OSBP2: variants seen among roughly 807,000 people sequenced by gnomAD.
OSBP2 encodes the protein oxysterol binding protein 2, also known as oxysterol-binding protein 2.
A neutral mutation model predicts 96.0 loss-of-function variants in OSBP2; 66 were observed. That is an observed-to-expected ratio of 0.69 (90% CI 0.56 to 0.84). The LOEUF is 0.84. OSBP2 is among the 40% of genes least tolerant of loss of function. The pLI is 0.00. For synonymous variants in OSBP2, 525 were observed against 520.9 expected (o/e 1.01, Z -0.11); for missense variants, 1,038 against 1,222.7 (o/e 0.85, Z 2.25).
In OSBP2 at chr22:30,695,630, G is replaced by A. The variant is rs1382339436; in HGVS notation, c.644+77G>A. On this transcript the variant is annotated intron_variant, in intron 1 of 13. Transcript: ENST00000332585. ...GGGATGGTGATGGAGGGCCTCCATG[G>A]TTGGCGGACACTGCCACTAGTCTAG... 27 of 1,534,876 alleles carry A rather than the reference G, an allele frequency of 1.8e-5. No individual in the cohort carries two copies. In the Admixed American group the frequency reaches 5.0e-4, roughly 29 times the overall value.
intron 2 of OSBP2, among the ~76,000 whole-genome samples, chr22:30,832,676 T>A (rs1322139473): frequency 6.6e-6 from 1 of 152,234 alleles, no homozygotes; most frequent in Non-Finnish European, 1.5e-5. Context: ...GCTCTTTCTG[T>A]GATCACGGTC....
chr22:30,727,034 G>A (rs2089663090), intron 1 of OSBP2, among the ~76,000 whole-genome samples: 1 of 152,216 alleles, frequency 6.6e-6, no homozygotes, highest in Admixed American at 6.5e-5. Context: ...CATGGAAGGG[G>A]CTGGGAGTAG....
intron 2 of OSBP2, among the ~76,000 whole-genome samples, chr22:30,770,998 G>T (rs2090339915): frequency 6.6e-6 from 1 of 152,212 alleles, no homozygotes; most frequent in Non-Finnish European, 1.5e-5. Context: ...CGATTCTCCT[G>T]CCTCAGCTTC....
At chr22:30,799,255 G>A (rs28490892) in intron 2 of OSBP2, among the ~76,000 whole-genome samples, 30,477 of 151,654 alleles carry the variant, frequency 0.2, 3,784 homozygotes, top group African/African-American at 0.36. Context: ...GACTACAGGC[G>A]CCCACCACCA....
intron 1 of OSBP2, among the ~76,000 whole-genome samples, chr22:30,711,739 CAAAAAA>C (rs34152986): frequency 1.1e-5 from 1 of 91,846 alleles, no homozygotes; most frequent in African/African-American, 4.9e-5. Context: ...GACCCTATCT[CAAAAAA>C]AAAAAAAAAA....
chr22:30,893,703 C>T lies in OSBP2; in HGVS notation c.2160C>T (p.Tyr720=), dbSNP rs1445626901. The T allele has an allele frequency of 1.2e-6, 2 of 1,614,188 alleles. No individual in the cohort carries two copies. The highest frequency in any genetic ancestry group is 1.3e-5 in the African/African-American group (1 of 75,066). Residue 720 remains tyrosine, a synonymous_variant, in exon 11 of 14, where the codon TAC becomes TAT. Coordinates refer to ENST00000332585, the MANE Select transcript of OSBP2 (RefSeq NM_030758.4). ...GGTGCCAGCTGAAGTTCCTGCCCTACAGCTACTTCTCCAAAGAGGCAGCCC... is the reference window on the plus strand; with the variant it reads ...GGTGCCAGCTGAAGTTCCTGCCCTATAGCTACTTCTCCAAAGAGGCAGCCC... ...NDRCQLKFLP[Y]SYFSKEAARK... is the part of the protein sequence containing the mutation.
At chr22:30,761,058 T>TA (rs2090199346) in intron 2 of OSBP2, among the ~76,000 whole-genome samples, 1 of 152,064 alleles carries the variant, frequency 6.6e-6, no homozygotes, top group Non-Finnish European at 1.5e-5. Context: ...CTAGGATCAG[T>TA]AAAGTCAAGG....
rs147994546 is a variant in OSBP2, at chr22:30,808,070, G to A, written c.854-62359G>A. 3.7e-3 allele frequency among the ~76,000 whole-genome samples: 559 copies of A among 152,314 alleles called. 5 individuals are homozygous for A. Among genetic ancestry groups the A allele is most frequent in the Non-Finnish European group, 6.0e-3 (411 of 68,032 alleles). On this transcript the variant is annotated intron_variant, in intron 2 of 13. Coordinates refer to ENST00000332585, the MANE Select transcript of OSBP2 (RefSeq NM_030758.4). ...CTCCCAAAGTGCGGGGATTACAGGT[G>A]TGAGCCACTATGCCCAGCCAGCCAA...
intron 2 of OSBP2, among the ~76,000 whole-genome samples, chr22:30,803,925 G>C (rs920203221): frequency 6.6e-6 from 1 of 152,188 alleles, no homozygotes; most frequent in East Asian, 1.9e-4. Context: ...TGAGTAAGCA[G>C]TTCAGGGTCA....
intron 3 of OSBP2, among the ~76,000 whole-genome samples, chr22:30,875,840 C>T (rs1602398923): frequency 6.6e-6 from 1 of 152,380 alleles, no homozygotes; most frequent in East Asian, 1.9e-4. Context: ...TGACATCAGA[C>T]CTTAGCAGCT....
chr22:30,905,944 T>A lies in OSBP2; in HGVS notation c.2483T>A (p.Leu828Gln). Residue 828 changes from leucine to glutamine, a missense_variant, in exon 13 of 14, where the codon CTG becomes CAG. By Grantham distance (113) the Leu-to-Gln change is moderately radical. Around this residue, in one of 3 missense-constraint regions of OSBP2, gnomAD observed 737 missense variants for 913.3 expected, o/e 0.81. Coordinates refer to ENST00000332585, the MANE Select transcript of OSBP2 (RefSeq NM_030758.4). ...AGCCGCCTGCGGCCCGACCAGCGGC[T>A]GATGGAGAAGGGCCGTTGGGACGAG... ...TDSRLRPDQR[L>Q]MEKGRWDEAN... 1.9e-6 allele frequency: 3 copies of A among 1,612,368 alleles called. No individual in the cohort carries two copies. The highest frequency in any genetic ancestry group is 2.5e-6 in the Non-Finnish European group (3 of 1,179,464).
intron 1 of OSBP2, among the ~76,000 whole-genome samples, chr22:30,718,558 A>G (rs538717839): frequency 6.6e-6 from 1 of 152,248 alleles, no homozygotes; most frequent in African/African-American, 2.4e-5. Context: ...TGGCTTGGAG[A>G]TCTGAGTCCA....
chr22:30,787,356 G>A (rs1431714701), intron 2 of OSBP2, among the ~76,000 whole-genome samples: 1 of 151,910 alleles, frequency 6.6e-6, no homozygotes. Flanking sequence ...GTCAGATCTC[G>A]TGATAACTTA....
intron 2 of OSBP2, among the ~76,000 whole-genome samples, chr22:30,859,979 G>T (rs956882781): frequency 1.3e-5 from 2 of 152,124 alleles, no homozygotes; most frequent in East Asian, 1.9e-4. Context: ...AGGCCATGAG[G>T]GACAAATGTG....
chr22:30,808,750 C>T (rs1037809874), intron 2 of OSBP2, among the ~76,000 whole-genome samples: 1 of 151,828 alleles, frequency 6.6e-6, no homozygotes, highest in Non-Finnish European at 1.5e-5. Context: ...GTCAGGAGAT[C>T]GAGACCATCC....
chr22:30,754,706 G>A (rs369619251), intron 2 of OSBP2, among the ~76,000 whole-genome samples: 6 of 152,106 alleles, frequency 3.9e-5, no homozygotes, highest in Admixed American at 6.5e-5. Flanking sequence ...CTGCCCCGCC[G>A]GCCTCATCTT....
In OSBP2 at chr22:30,870,958, G is replaced by A. The variant is rs1363032402; in HGVS notation, c.1107+276G>A. ...TCTGCAGTTATTTACTTCATGCCTCGATAAGGAAGGTCGGGGCCCCAAGTT... is the reference window on the plus strand; with the variant it reads ...TCTGCAGTTATTTACTTCATGCCTCAATAAGGAAGGTCGGGGCCCCAAGTT... On this transcript the variant is annotated intron_variant, in intron 3 of 13. Transcript: ENST00000332585. This position sits in a 1 kb window ranked among gnomAD's most constrained non-coding sequence, Gnocchi z 4.1. Among the ~76,000 whole-genome samples the A allele has an allele frequency of 1.3e-5, 2 of 152,166 alleles. No homozygotes were observed. Among genetic ancestry groups the A allele is most frequent in the Non-Finnish European group, 2.9e-5 (2 of 68,028 alleles).
intron 2 of OSBP2, among the ~76,000 whole-genome samples, chr22:30,856,219 C>A (rs992896165): frequency 1.2e-4 from 19 of 152,246 alleles, no homozygotes; most frequent in African/African-American, 3.9e-4. Flanking sequence ...CTTCACCCCT[C>A]CATCTCTCCA....
chr22:30,783,320 T>C (rs111423150), intron 2 of OSBP2, among the ~76,000 whole-genome samples: 11 of 132,846 alleles, frequency 8.3e-5, no homozygotes, highest in African/African-American at 3.2e-4. Flanking sequence ...TTTTTTTTTT[T>C]TTTTTTTTTT....
Sources: gnomAD v4.1 joint callset for allele counts (sites outside exome capture counted in the v4.1 genomes callset) on GRCh38, gnomAD v4.1.1 for gene constraint, gnomAD v4.1.1 regional missense constraint, Gnocchi (gnomAD v3.1) non-coding constraint, MANE v1.5 for transcripts, NCBI Gene and HGNC (gene_info 2026-07-23, HGNC 2026-07-21) for gene names.